UNC80: variants seen among roughly 807,000 people sequenced by gnomAD.
The protein encoded by UNC80 is unc-80 subunit of NALCN channel complex.
UNC80 carries 164 observed loss-of-function variants against 384.6 expected under a neutral mutation model. The ratio of observed to expected loss-of-function variants is 0.43; its 90% CI spans 0.38 to 0.49. The LOEUF (loss-of-function observed/expected upper bound fraction) is 0.49. UNC80 is among the 20% of genes least tolerant of loss of function. The pLI is 0.00. For synonymous variants in UNC80, 1,486 were observed against 1,527.8 expected, an observed-to-expected ratio of 0.97 and a Z score of 0.64; for missense variants, 3,330 against 4,143.0, an observed-to-expected ratio of 0.80 and a Z score of 5.39.
intron 51 of UNC80, among the ~76,000 whole-genome samples, chr2:209,965,950 AAT>A (rs2092730760): frequency 6.6e-6 from 1 of 151,316 alleles, no homozygotes. Flanking sequence ...AAAAAAAAAA[AAT>A]CTTATTTTTC....
chr2:209,808,427 G>A (rs931200915), intron 7 of UNC80, among the ~76,000 whole-genome samples: 6 of 151,866 alleles, frequency 4.0e-5, no homozygotes, highest in Non-Finnish European at 5.9e-5. Context: ...GCCAGGCGTC[G>A]TGGCGGGCAC....
intron 52 of UNC80, chr2:209,969,316 T>A (rs892021012): frequency 1.3e-5 from 2 of 156,558 alleles, no homozygotes; most frequent in African/African-American, 4.8e-5. Flanking sequence ...TCTAATGTGA[T>A]CTTCTTGGCA....
At chr2:209,961,688 A>G (rs1457217756) in intron 51 of UNC80, among the ~76,000 whole-genome samples, 5 of 152,218 alleles carry the variant, frequency 3.3e-5, no homozygotes, top group Non-Finnish European at 7.3e-5. Context: ...AAATCATAAT[A>G]TAAATAAGTT....
At chr2:209,875,040 A>G (rs1237202316) in intron 23 of UNC80, among the ~76,000 whole-genome samples, 3 of 151,978 alleles carry the variant, frequency 2.0e-5, no homozygotes, top group Non-Finnish European at 4.4e-5. Flanking sequence ...CGATGATTAA[A>G]CTTTTTTCCT....
intron 13 of UNC80, among the ~76,000 whole-genome samples, chr2:209,821,284 C>T (rs1012704245): frequency 6.6e-6 from 1 of 152,152 alleles, no homozygotes; most frequent in African/African-American, 2.4e-5. Context: ...TATATGGGCC[C>T]AATCCCACTA....
At position 209,888,181 on chromosome 2, in the gene UNC80, C is replaced by A; in HGVS notation, c.4197C>A (p.Asp1399Glu). The A allele has an allele frequency of 1.3e-6, 2 of 1,551,540 alleles. No homozygotes were observed. Among genetic ancestry groups the A allele is most frequent in the Non-Finnish European group, 1.7e-6 (2 of 1,146,968 alleles). The change falls in exon 26 of 65, where the codon GAC (aspartate) becomes GAA (glutamate). Residue 1399 changes from aspartate to glutamate, a missense_variant. Asp to Glu is a conservative substitution (Grantham distance 45). Transcript: ENST00000673920. ...AGATCAGCTTTGCTGGGGTCCTGGA[C>A]GAAAATGAAGACTCAAAAGATTCTC... ...ERKISFAGVL[D>E]ENEDSKDSLH...
At chr2:209,885,924 C>T (rs1296451716) in intron 25 of UNC80, among the ~76,000 whole-genome samples, 1 of 151,850 alleles carries the variant, frequency 6.6e-6, no homozygotes, top group Non-Finnish European at 1.5e-5. Flanking sequence ...GCCATCACGC[C>T]CACCTAATTT....
intron 22 of UNC80, among the ~76,000 whole-genome samples, chr2:209,858,880 TG>T (rs557804008): frequency 2.2e-4 from 34 of 152,240 alleles, no homozygotes; most frequent in African/African-American, 7.7e-4. Flanking sequence ...TGTGCATGTG[TG>T]TGTTTGTTTC....
intron 22 of UNC80, among the ~76,000 whole-genome samples, chr2:209,852,324 A>T (rs1057254091): frequency 6.6e-6 from 1 of 152,122 alleles, no homozygotes; most frequent in Admixed American, 6.6e-5. Context: ...AGTTCCCATT[A>T]TGAGGCAAAA....
At chr2:209,832,703 A>C (rs1380512809) in intron 16 of UNC80, among the ~76,000 whole-genome samples, 2 of 152,180 alleles carry the variant, frequency 1.3e-5, no homozygotes, top group East Asian at 1.9e-4. Flanking sequence ...GTCATAGCAA[A>C]AGTAATTTAA....
rs113745924 is a variant in UNC80, at chr2:209,905,671, C to T, written c.4782+706C>T. On this transcript the variant is annotated intron_variant, in intron 29 of 64. Transcript: ENST00000673920. ...TTACAGCAGCAACAGGAAACTAATA[C>T]AACTATGTACTAAAAAATATGCATA... Among the ~76,000 whole-genome samples, 273 of 152,308 alleles carry T rather than the reference C, an allele frequency of 1.8e-3. 1 individual carries two copies. The highest frequency in any genetic ancestry group is 6.3e-3 in the African/African-American group (263 of 41,576).
chr2:209,809,370 G>A, intron 7 of UNC80: 2 of 964,138 alleles, frequency 2.1e-6, no homozygotes, highest in Non-Finnish European at 3.4e-6. Flanking sequence ...CCTGGCTGCT[G>A]CGGGGCCATG....
chr2:209,965,204 A>C (rs2092708404), intron 51 of UNC80, among the ~76,000 whole-genome samples: 1 of 152,094 alleles, frequency 6.6e-6, no homozygotes, highest in Admixed American at 6.5e-5. Flanking sequence ...TGGGAGGCTG[A>C]GGCAGGCAGA....
intron 20 of UNC80, 45 bp from the exon 21 acceptor site, chr2:209,842,305 C>T (rs952772538): frequency 1.4e-6 from 2 of 1,396,720 alleles, no homozygotes; most frequent in Non-Finnish European, 2.0e-6. Context: ...AAAGATTTAC[C>T]TTTGAATCTT....
chr2:209,923,493 G>T (rs1402462508), intron 35 of UNC80, among the ~76,000 whole-genome samples: 1 of 151,982 alleles, frequency 6.6e-6, no homozygotes, highest in African/African-American at 2.4e-5. Flanking sequence ...AATTTTCTTG[G>T]CACCTTTGTC....
chr2:209,941,148 G>C, intron 43 of UNC80, 73 bp from the exon 44 acceptor site: 1 of 1,424,504 alleles, frequency 7.0e-7, no homozygotes, highest in Middle Eastern at 1.9e-4. Flanking sequence ...CAGCGCCTTG[G>C]GTTTGATCAC....
rs538238881 is a variant in UNC80 at position 209,782,649 on chromosome 2, C to T, written c.601-3417C>T. 2.6e-4 allele frequency among the ~76,000 whole-genome samples: 40 copies of T among 152,120 alleles called. 1 individual carries two copies. The highest frequency in any genetic ancestry group is 9.4e-4 in the African/African-American group (39 of 41,506). ...TTAATATTAAGTGAATAAATTAGTT[C>T]ACTAATTTGTAAATAAATCTAATAT... On this transcript the variant is annotated intron_variant, in intron 4 of 64. Coordinates refer to ENST00000673920, the MANE Select transcript of UNC80 (RefSeq NM_001371986.1).
At chr2:209,820,762 A>G (rs2080078159) in intron 13 of UNC80, 83 bp downstream of exon 13, 6 of 1,428,130 alleles carry the variant, frequency 4.2e-6, no homozygotes, top group Admixed American at 2.8e-5. Context: ...AGTTTATTGA[A>G]TCTGAACAGC....
intron 6 of UNC80, 134 bp from the exon 7 acceptor site, chr2:209,793,586 T>G: frequency 9.9e-7 from 1 of 1,007,858 alleles, no homozygotes. Flanking sequence ...CATAATATCA[T>G]AATTAACTAT....
Sources: allele counts gnomAD v4.1 joint callset (sites outside exome capture counted in the v4.1 genomes callset), GRCh38; gene constraint gnomAD v4.1.1; transcripts MANE v1.5; gene names NCBI Gene and HGNC (gene_info 2026-07-23, HGNC 2026-07-21).